Variants in OR51B5 observed in about 807,000 individuals in gnomAD.
OR51B5 encodes olfactory receptor 51B5.
For missense variants in OR51B5, 456 were observed against 374.6 expected, an observed-to-expected ratio of 1.22 and a Z score of -1.79; for synonymous variants, 186 against 144.8, an observed-to-expected ratio of 1.28 and a Z score of -2.04.
At chr11:5,464,828 T>C (rs1305072177) in intron 1 of OR51B5, among the ~76,000 whole-genome samples, 1 of 152,116 alleles carries the variant, frequency 6.6e-6, no homozygotes, top group Non-Finnish European at 1.5e-5. Context: ...GGTCAAATGG[T>C]ATTTCTAGTT....
chr11:5,379,910 C>A (rs766872563), intron 1 of OR51B5, among the ~76,000 whole-genome samples: 8 of 151,888 alleles, frequency 5.3e-5, no homozygotes, highest in Non-Finnish European at 1.2e-4. Context: ...ATGTTTGGAA[C>A]CAGCATGAGA....
At chr11:5,451,033 C>T (rs974072462) in intron 1 of OR51B5, among the ~76,000 whole-genome samples, 1 of 152,206 alleles carries the variant, frequency 6.6e-6, no homozygotes, top group African/African-American at 2.4e-5. Context: ...ATCTCACTGG[C>T]TCTCAGTGTC....
chr11:5,480,705 T>C (rs972995042), intron 1 of OR51B5, among the ~76,000 whole-genome samples: 100 of 150,814 alleles, frequency 6.6e-4, no homozygotes, highest in African/African-American at 2.4e-3. Context: ...AAATACAAAC[T>C]ACCATCAGAG....
intron 1 of OR51B5, chr11:5,430,783 A>G (rs1294546534): frequency 2.2e-6 from 1 of 457,208 alleles, no homozygotes; most frequent in Non-Finnish European, 4.4e-6. Flanking sequence ...AAGTGTGTGG[A>G]CAATGGGAGA....
intron 1 of OR51B5, among the ~76,000 whole-genome samples, chr11:5,490,128 A>C (rs1386772894): frequency 6.6e-6 from 1 of 152,190 alleles, no homozygotes; most frequent in Non-Finnish European, 1.5e-5. Flanking sequence ...TCTACTTGTG[A>C]CCTTGAGCAT....
At chr11:5,456,961 C>T (rs77734342) in intron 1 of OR51B5, among the ~76,000 whole-genome samples, 8,224 of 152,306 alleles carry the variant, frequency 0.054, 758 homozygotes, top group African/African-American at 0.19. Context: ...CCTGCTCCAT[C>T]TTCACCTTCC....
intron 1 of OR51B5, among the ~76,000 whole-genome samples, chr11:5,393,487 G>C (rs1422406928): frequency 6.6e-6 from 1 of 152,000 alleles, no homozygotes; most frequent in Admixed American, 6.6e-5. Flanking sequence ...TTTCTATATA[G>C]ATTTCTCTAT....
At chr11:5,378,384 T>G (rs903711494) in intron 1 of OR51B5, among the ~76,000 whole-genome samples, 7 of 152,042 alleles carry the variant, frequency 4.6e-5, no homozygotes, top group African/African-American at 1.7e-4. Context: ...GCATTACCAT[T>G]CAGGACATAG....
chr11:5,500,019 T>C (rs1428582784), intron 1 of OR51B5, among the ~76,000 whole-genome samples: 2 of 152,238 alleles, frequency 1.3e-5, no homozygotes, highest in African/African-American at 2.4e-5. Flanking sequence ...GATCCCTGCC[T>C]AGCCTAGGGG....
At position 5,401,675 on chromosome 11, in the gene OR51B5, C is replaced by G. The variant is rs564457498; in HGVS notation, n.85-54765G>C. On this transcript the variant is annotated intron_variant and non_coding_transcript_variant, in intron 1 of 4. Transcript: ENST00000415970. ...ACCTATTCCTGATATTATTCCATATCTTATTTTGGGATTGCTTACATTTCT... is the reference window on the plus strand; with the variant it reads ...ACCTATTCCTGATATTATTCCATATGTTATTTTGGGATTGCTTACATTTCT... Among the ~76,000 whole-genome samples the G allele has an allele frequency of 6.6e-5, 10 of 152,268 alleles. No individual in the cohort carries two copies. The South Asian group carries it at 2.1e-3, about 32-fold the overall frequency.
In OR51B5 at chr11:5,359,262, ATGTCCTTAAAC is replaced by A. The variant is rs1352462312; in HGVS notation, n.85-12363_85-12353del. On this transcript the variant is annotated intron_variant and non_coding_transcript_variant, in intron 1 of 4. Coordinates refer to the OR51B5 transcript ENST00000415970. ...GAAAACCCCACTGTCTCAGCCCAAA[ATGTCCTTAAAC>A]TGATAGGCAACTTCAGCAAAGTCTC... 1.1e-4 allele frequency among the ~76,000 whole-genome samples: 17 copies of A among 148,386 alleles called. No individual in the cohort carries two copies. The East Asian group carries it at 3.3e-3, about 29-fold the overall frequency.
intron 1 of OR51B5, among the ~76,000 whole-genome samples, chr11:5,443,507 A>G (rs1850722035): frequency 6.9e-6 from 1 of 145,014 alleles, no homozygotes; most frequent in East Asian, 2.0e-4. Flanking sequence ...GCCTGTTCAG[A>G]TCTGTTTTTT....
intron 1 of OR51B5, among the ~76,000 whole-genome samples, chr11:5,473,265 T>A (rs1369302116): frequency 6.6e-6 from 1 of 151,906 alleles, no homozygotes. Context: ...GACTCTGGAG[T>A]TTTGGAGGAG....
intron 1 of OR51B5, among the ~76,000 whole-genome samples, chr11:5,367,940 A>G (rs1849395989): frequency 6.6e-6 from 1 of 152,138 alleles, no homozygotes; most frequent in African/African-American, 2.4e-5. Flanking sequence ...TCCTATCCTT[A>G]CTCAGCAGTT....
chr11:5,468,732 T>A (rs753204589), intron 1 of OR51B5: 2 of 456,502 alleles, frequency 4.4e-6, no homozygotes, highest in South Asian at 1.5e-5. Flanking sequence ...CTGGAGGCAA[T>A]GGCCAGCACA....
chr11:5,373,972 G>C (rs1296361286), intron 1 of OR51B5, among the ~76,000 whole-genome samples: 1 of 152,208 alleles, frequency 6.6e-6, no homozygotes, highest in African/African-American at 2.4e-5. Flanking sequence ...GCTTTGAGGA[G>C]AGCAGTGGTT....
intron 1 of OR51B5, among the ~76,000 whole-genome samples, chr11:5,360,360 C>G (rs1008942114): frequency 6.6e-6 from 1 of 152,016 alleles, no homozygotes; most frequent in Non-Finnish European, 1.5e-5. Context: ...CAAAAGAAGA[C>G]ATTTATGCAG....
intron 1 of OR51B5, among the ~76,000 whole-genome samples, chr11:5,468,330 G>A (rs1851168874): frequency 6.6e-6 from 1 of 152,194 alleles, no homozygotes; most frequent in Admixed American, 6.5e-5. Flanking sequence ...TGCGTTACAA[G>A]TTGTAGCCTG....
At chr11:5,497,385 C>G (rs1226347968) in intron 1 of OR51B5, among the ~76,000 whole-genome samples, 5 of 152,138 alleles carry the variant, frequency 3.3e-5, no homozygotes, top group Non-Finnish European at 7.3e-5. Flanking sequence ...GCACTCCAGC[C>G]TGGGCAACAG....
Sources: allele counts gnomAD v4.1 joint callset (sites outside exome capture counted in the v4.1 genomes callset), GRCh38; gene constraint gnomAD v4.1.1; transcripts MANE v1.5; gene names NCBI Gene and HGNC (gene_info 2026-07-23, HGNC 2026-07-21).